C4orf50: variants seen among roughly 807,000 people sequenced by gnomAD.
The protein encoded by C4orf50 is uncharacterized protein C4orf50.
C4orf50 carries 80 observed loss-of-function variants against 77.2 expected under a neutral mutation model. That is an observed-to-expected ratio of 1.04 (90% CI 0.87 to 1.25). C4orf50 has a LOEUF of 1.25. Ranked by LOEUF, C4orf50 falls within the 50% of genes most tolerant of loss-of-function variation. The pLI is 0.00. For missense variants in C4orf50, 1,257 were observed against 1,152.9 expected (o/e 1.09, Z -1.31); for synonymous variants, 532 against 465.3 (o/e 1.14, Z -1.84).
rs1174942110 is a variant in C4orf50 at position 6,000,521 on chromosome 4, C to T, written c.964-6045G>A. Reference sequence around the variant, plus strand: ...CTTCTGAGAGATGGACAGAGACTGGCAGCCTTGTCACATGCTGCAGCCTGG... The same window carrying T: ...CTTCTGAGAGATGGACAGAGACTGGTAGCCTTGTCACATGCTGCAGCCTGG... On this transcript the variant is annotated intron_variant, in intron 25 of 33. Coordinates refer to ENST00000531445, the Ensembl canonical transcript of C4orf50. This position sits in a 1 kb window ranked among gnomAD's most constrained non-coding sequence, Gnocchi z 6.0. Among the ~76,000 whole-genome samples the T allele has an allele frequency of 6.6e-6, 1 of 152,148 alleles. No homozygotes were observed. Among genetic ancestry groups the T allele is most frequent in the Non-Finnish European group, 1.5e-5 (1 of 68,026 alleles).
chr4:5,917,208 G>C (rs939376663), intron 7 of C4orf50, among the ~76,000 whole-genome samples: 1 of 152,148 alleles, frequency 6.6e-6, no homozygotes, highest in Non-Finnish European at 1.5e-5. Flanking sequence ...ATCTGAGAAG[G>C]TGAGCTCATT....
At chr4:5,997,766 G>A (rs897944774) in intron 25 of C4orf50, among the ~76,000 whole-genome samples, 4 of 152,166 alleles carry the variant, frequency 2.6e-5, no homozygotes, top group Non-Finnish European at 4.4e-5. Context: ...TAGACATTGC[G>A]AAAGTTCTAT....
At chr4:5,942,871 C>G (rs1032245136) in intron 7 of C4orf50, among the ~76,000 whole-genome samples, 1 of 152,020 alleles carries the variant, frequency 6.6e-6, no homozygotes, top group African/African-American at 2.4e-5. Context: ...AGCCTGGATG[C>G]GTAAGGATAA....
Position 6,000,425 on chromosome 4 carries a change from C to G in C4orf50, c.964-5949G>C, listed in dbSNP as rs1721784277. 6.6e-6 allele frequency among the ~76,000 whole-genome samples: 1 copy of G among 152,208 alleles called. No homozygotes were observed. Among genetic ancestry groups the G allele is most frequent in the South Asian group, 2.1e-4 (1 of 4,824 alleles). ...GCTCTTCACATTTCCCAGTGGCCCT[C>G]TCAGGAGGAATTCTTCCTTTCCAGG... On this transcript the variant is annotated intron_variant, in intron 25 of 33. Coordinates refer to ENST00000531445, the Ensembl canonical transcript of C4orf50. This position sits in a 1 kb window ranked among gnomAD's most constrained non-coding sequence, Gnocchi z 6.0.
At position 6,016,043 on chromosome 4, in the gene C4orf50, A is replaced by G. The variant is rs79272168; in HGVS notation, c.287+2102T>C. On this transcript the variant is annotated intron_variant, in intron 23 of 33. Transcript: ENST00000531445. ...CCGGGAGAGGCCTCAGCCACCTGTG[A>G]CCCTGAACTGGAACAATTGGGTAAA... Among the ~76,000 whole-genome samples the G allele has an allele frequency of 8.6e-3, 1,305 of 152,248 alleles. 22 individuals carry two copies. Among genetic ancestry groups the G allele is most frequent in the African/African-American group, 0.03 (1,250 of 41,522 alleles).
intron 7 of C4orf50, among the ~76,000 whole-genome samples, chr4:5,907,323 TA>T (rs1388079742): frequency 6.6e-6 from 1 of 152,158 alleles, no homozygotes; most frequent in Non-Finnish European, 1.5e-5. Context: ...TGTGGGACAC[TA>T]AAAGATGCTA....
chr4:5,988,525 C>T (rs751250160), exon 28 of C4orf50: 44 of 1,537,870 alleles, frequency 2.9e-5, no homozygotes, highest in South Asian at 4.8e-5. Context: ...ATCAGCACCG[C>T]GTCTGGAATT....
intron 28 of C4orf50, among the ~76,000 whole-genome samples, chr4:5,981,903 C>T: frequency 6.6e-6 from 1 of 151,894 alleles, no homozygotes; most frequent in East Asian, 1.9e-4. Flanking sequence ...AAACTCATCC[C>T]GACCTAGCAG....
At chr4:5,928,452 C>T (rs1014858899) in intron 7 of C4orf50, among the ~76,000 whole-genome samples, 6 of 152,032 alleles carry the variant, frequency 3.9e-5, no homozygotes, top group Non-Finnish European at 7.3e-5. Context: ...CAAGGGAGTT[C>T]GTGGAGCAGA....
chr4:5,990,114 C>G (rs1721174766), exon 28 of C4orf50: 2 of 1,277,154 alleles, frequency 1.6e-6, no homozygotes, highest in African/African-American at 3.0e-5. Flanking sequence ...CCCTTTCCCT[C>G]CTGCTCAGGG....
At chr4:5,967,060 A>G (rs1719616460) in intron 32 of C4orf50, among the ~76,000 whole-genome samples, 1 of 152,202 alleles carries the variant, frequency 6.6e-6, no homozygotes. Context: ...ATATGGGTTC[A>G]TTAACAATAC....
At chr4:5,928,260 T>C (rs765629911) in intron 7 of C4orf50, among the ~76,000 whole-genome samples, 6 of 152,156 alleles carry the variant, frequency 3.9e-5, no homozygotes, top group Non-Finnish European at 5.9e-5. Flanking sequence ...GATCCTGGAA[T>C]ACAAACTGCA....
rs1001554020 is a variant in C4orf50 at position 6,000,135 on chromosome 4, C to T, written c.964-5659G>A. On this transcript the variant is annotated intron_variant, in intron 25 of 33. Transcript: ENST00000531445. The surrounding 1 kb of genome is among the most constrained non-coding windows in gnomAD (Gnocchi z 6.0). Reference sequence around the variant, plus strand: ...CAAGGTGCTGAAGACCTGCGTGTGGCTCTCGGTCCTCCTGGGTCACTCCCA... The same window carrying T: ...CAAGGTGCTGAAGACCTGCGTGTGGTTCTCGGTCCTCCTGGGTCACTCCCA... 5.3e-5 allele frequency among the ~76,000 whole-genome samples: 8 copies of T among 151,222 alleles called. No homozygotes were observed. The highest frequency in any genetic ancestry group is 2.6e-4 in the Admixed American group (4 of 15,224).
At chr4:5,946,047 C>T (rs1183109045) in intron 7 of C4orf50, among the ~76,000 whole-genome samples, 6 of 152,236 alleles carry the variant, frequency 3.9e-5, no homozygotes, top group Admixed American at 3.9e-4. Flanking sequence ...CTGGCAGAGG[C>T]CAGGCTCCTC....
chr4:5,937,127 C>A (rs2108748739), intron 7 of C4orf50, among the ~76,000 whole-genome samples: 1 of 151,430 alleles, frequency 6.6e-6, no homozygotes, highest in Non-Finnish European at 1.5e-5. Flanking sequence ...CCAGGGAGAA[C>A]TAAACTAAAC....
chr4:5,922,028 T>A (rs1005616472), intron 7 of C4orf50, among the ~76,000 whole-genome samples: 10 of 152,138 alleles, frequency 6.6e-5, no homozygotes, highest in African/African-American at 2.2e-4. Flanking sequence ...GCCCCCAGTA[T>A]GCTGGTTTCT....
rs1488608754 is a variant in C4orf50, at chr4:6,009,063, AG to A, written c.427-532del. On this transcript the variant is annotated intron_variant, in intron 24 of 33. Transcript: ENST00000531445. This position sits in a 1 kb window ranked among gnomAD's most constrained non-coding sequence, Gnocchi z 5.6. Reference sequence around the variant, plus strand: ...TCATTACTGTGGATACTCCACCTGGAGGGAGGTACGTTACTAGCCTGAGAGA... The same window carrying A: ...TCATTACTGTGGATACTCCACCTGGAGGAGGTACGTTACTAGCCTGAGAGA... Among the ~76,000 whole-genome samples, 30 of 152,308 alleles carry A rather than the reference AG, an allele frequency of 2.0e-4. No homozygotes were observed. Among genetic ancestry groups the A allele is most frequent in the Middle Eastern group, 3.4e-3 (1 of 294 alleles).
At chr4:5,914,927 T>A (rs1716968824) in intron 7 of C4orf50, among the ~76,000 whole-genome samples, 1 of 152,240 alleles carries the variant, frequency 6.6e-6, no homozygotes, top group South Asian at 2.1e-4. Flanking sequence ...TAGGATAAAT[T>A]CTCCTGTATT....
chr4:6,011,121 T>A lies in C4orf50; in HGVS notation c.426+709A>T, dbSNP rs374649665. Among the ~76,000 whole-genome samples, 2 of 152,036 alleles carry A rather than the reference T, an allele frequency of 1.3e-5. No individual in the cohort carries two copies. The highest frequency in any genetic ancestry group is 4.1e-4 in the South Asian group (2 of 4,822). Reference sequence around the variant, plus strand: ...TCTCGAACTTCTCCCCCTGCCTCCATCATCTCTCTCTCCCATGCAGGGAGA... The same window carrying A: ...TCTCGAACTTCTCCCCCTGCCTCCAACATCTCTCTCTCCCATGCAGGGAGA... On this transcript the variant is annotated intron_variant, in intron 24 of 33. Coordinates refer to ENST00000531445, the Ensembl canonical transcript of C4orf50. This position sits in a 1 kb window ranked among gnomAD's most constrained non-coding sequence, Gnocchi z 4.2.
Sources: gnomAD v4.1 joint callset for allele counts (sites outside exome capture counted in the v4.1 genomes callset) on GRCh38, gnomAD v4.1.1 for gene constraint, Gnocchi (gnomAD v3.1) non-coding constraint, MANE v1.5 for transcripts, NCBI Gene and HGNC (gene_info 2026-07-23, HGNC 2026-07-21) for gene names.